The following RALGAPA2 variants were observed in gnomAD, a reference collection of about 807,000 sequenced individuals.
The protein encoded by RALGAPA2 is Ral GTPase activating protein catalytic subunit alpha 2.
RALGAPA2 carries 139 observed loss-of-function variants against 230.4 expected under a neutral mutation model. That is an observed-to-expected ratio of 0.60 (90% CI 0.53 to 0.69). The LOEUF (loss-of-function observed/expected upper bound fraction) is 0.69, where lower values mean the gene tolerates loss of function less well. Among genes scored for constraint, RALGAPA2 ranks in the 30% least tolerant of loss-of-function variants. RALGAPA2 has a pLI of 0.00. For synonymous variants in RALGAPA2, 847 were observed against 837.8 expected (o/e 1.01, Z -0.19); for missense variants, 2,163 against 2,276.0 (o/e 0.95, Z 1.01).
At chr20:20,459,455 G>A (rs1425257321) in intron 37 of RALGAPA2, among the ~76,000 whole-genome samples, 1 of 150,888 alleles carries the variant, frequency 6.6e-6, no homozygotes, top group Admixed American at 6.6e-5. Flanking sequence ...CTTTGGGTGG[G>A]GTATGTAATA....
Position 20,526,457 on chromosome 20 carries a change from G to A in RALGAPA2, c.3583-95C>T, listed in dbSNP as rs60723862. The A allele has an allele frequency of 6.2e-3, 4,853 of 785,262 alleles. 190 individuals are homozygous for A. In the African/African-American group the frequency reaches 0.077, roughly 13 times the overall value. 48.6% of individuals were successfully genotyped at this position (785,262 alleles called of 1,614,324 possible). A position where few individuals can be genotyped will look rare whatever the true frequency, so the allele number is the denominator to read the frequency against. ...AGTTATTTCTTCTCAGTTCCTTATAGATTACATTTATCTGTTTTGCCTCAA... is the reference window on the plus strand; with the variant it reads ...AGTTATTTCTTCTCAGTTCCTTATAAATTACATTTATCTGTTTTGCCTCAA... On this transcript the variant is annotated intron_variant, in intron 27 of 39. Coordinates refer to ENST00000202677, the MANE Select transcript of RALGAPA2 (RefSeq NM_020343.4).
At position 20,512,758 on chromosome 20, in the gene RALGAPA2, C is replaced by T. The variant is rs374685110; in HGVS notation, c.4611G>A (p.Pro1537=). The T allele has an allele frequency of 6.3e-5, 101 of 1,613,732 alleles. No homozygotes were observed. The highest frequency in any genetic ancestry group is 2.0e-4 in the Admixed American group (12 of 60,010). ...AAGGTTCATTTAGATTTAGCTGTGA[C>T]GGTAAAAGGCATTCAGGACTTGTAT... ...IGHTSPECLL[P]SQLNLNEPSL... The change falls in exon 32 of 40, where the codon CCG becomes CCA. Residue 1537 remains proline, a synonymous_variant. Transcript: ENST00000202677.
At chr20:20,542,130 G>GC (rs1419891400) in intron 24 of RALGAPA2, among the ~76,000 whole-genome samples, 1 of 152,116 alleles carries the variant, frequency 6.6e-6, no homozygotes, top group Admixed American at 6.5e-5. Flanking sequence ...CAAGCAGGGA[G>GC]CCAAATCGTG....
chr20:20,682,793 T>G (rs777719068), intron 1 of RALGAPA2, among the ~76,000 whole-genome samples: 5 of 152,164 alleles, frequency 3.3e-5, no homozygotes, highest in Non-Finnish European at 7.3e-5. Context: ...ACACATACAA[T>G]GATAAAATAA....
chr20:20,626,897 C>T (rs1189599706), intron 10 of RALGAPA2, among the ~76,000 whole-genome samples: 1 of 152,140 alleles, frequency 6.6e-6, no homozygotes, highest in Non-Finnish European at 1.5e-5. Context: ...TCCACGAGGC[C>T]TAAAATATTT....
In RALGAPA2 at chr20:20,677,629, A is replaced by ATTTTTTTT. The variant is rs758379115; in HGVS notation, c.218-1349_218-1342dup. Among the ~76,000 whole-genome samples the ATTTTTTTT allele has an allele frequency of 4.8e-4, 31 of 64,314 alleles. 1 individual carries two copies. Among genetic ancestry groups the ATTTTTTTT allele is most frequent in the East Asian group, 1.4e-3 (3 of 2,200 alleles). The allele number at this position is 64,314 out of a possible 152,430, so 42.2% of individuals were successfully genotyped here. On this transcript the variant is annotated intron_variant, in intron 2 of 39. Coordinates refer to ENST00000202677, the MANE Select transcript of RALGAPA2 (RefSeq NM_020343.4). ...GCAGCCAAGAATCATGATTTGACCCATTTTTTTTTTTTTTTTTTTTTTTTT... is the reference window on the plus strand; with the variant it reads ...GCAGCCAAGAATCATGATTTGACCCATTTTTTTTTTTTTTTTTTTTTTTTTTTTTTTTT...
intron 23 of RALGAPA2, among the ~76,000 whole-genome samples, chr20:20,563,928 C>T (rs973891576): frequency 7.2e-5 from 11 of 152,044 alleles, no homozygotes; most frequent in African/African-American, 2.7e-4. Context: ...CACACAAACC[C>T]CATCTGTGCC....
chr20:20,527,947 C>G (rs146960933), intron 27 of RALGAPA2, among the ~76,000 whole-genome samples: 2 of 152,164 alleles, frequency 1.3e-5, no homozygotes, highest in East Asian at 3.9e-4. Context: ...GGGAAAATTA[C>G]GAGAGCCCAC....
At position 20,591,190 on chromosome 20, in the gene RALGAPA2, T is replaced by C; in HGVS notation, c.2328A>G (p.Ser776=). 1 of 1,613,830 alleles carries C rather than the reference T, an allele frequency of 6.2e-7. No individual in the cohort carries two copies. The highest frequency in any genetic ancestry group is 8.5e-7 in the Non-Finnish European group (1 of 1,179,758). ...STSDIPEPLC[S]DSSQGQKAEN... is the part of the protein sequence containing the mutation. ...GACATCATGTACCCTGAGAAGAATC[T>C]GAGCACAGCGGCTCGGGGATGTCGG... The change falls in exon 17 of 40, where the codon TCA becomes TCG. Residue 776 remains serine, a synonymous_variant. Coordinates refer to ENST00000202677, the MANE Select transcript of RALGAPA2 (RefSeq NM_020343.4).
chr20:20,492,211 T>C (rs559688232), intron 36 of RALGAPA2, among the ~76,000 whole-genome samples: 93 of 152,124 alleles, frequency 6.1e-4, no homozygotes, highest in Non-Finnish European at 1.2e-3. Flanking sequence ...ATGAGGTTTT[T>C]TTTTCTCCCA....
intron 37 of RALGAPA2, among the ~76,000 whole-genome samples, chr20:20,436,015 T>A (rs921250042): frequency 6.6e-6 from 1 of 152,236 alleles, no homozygotes; most frequent in Non-Finnish European, 1.5e-5. Context: ...AGTTGAATCA[T>A]ACAAAATTGC....
Position 20,525,014 on chromosome 20 carries a change from C to G in RALGAPA2, c.3694-116G>C, listed in dbSNP as rs6075671. On this transcript the variant is annotated intron_variant, in intron 28 of 39. Coordinates refer to ENST00000202677, the MANE Select transcript of RALGAPA2 (RefSeq NM_020343.4). ...AACCCAGCTTGGTGCCAACTCACCA[C>G]AGAAAGGTGATAAAAAGCAGAGGGC... The G allele has an allele frequency of 0.056, 47,233 of 844,308 alleles. 2,050 individuals are homozygous for G. Among genetic ancestry groups the G allele is most frequent in the African/African-American group, 0.16 (8,966 of 57,280 alleles). The allele number at this position is 844,308 out of a possible 1,614,324, so 52.3% of individuals were successfully genotyped here.
Position 20,557,741 on chromosome 20 carries a change from A to G in RALGAPA2, c.3157-10909T>C, listed in dbSNP as rs144846483. 3.5e-3 allele frequency among the ~76,000 whole-genome samples: 531 copies of G among 152,348 alleles called. 4 individuals are homozygous for G. Among genetic ancestry groups the G allele is most frequent in the African/African-American group, 0.012 (498 of 41,584 alleles). On this transcript the variant is annotated intron_variant, in intron 23 of 39. Transcript: ENST00000202677. Reference sequence around the variant, plus strand: ...CACAACACTACTGAATTTGGGTAACAAAGGTATTTAACTTACTCCTTTGGA... The same window carrying G: ...CACAACACTACTGAATTTGGGTAACGAAGGTATTTAACTTACTCCTTTGGA...
chr20:20,507,250 G>A (rs1391268632), intron 33 of RALGAPA2, among the ~76,000 whole-genome samples: 1 of 152,116 alleles, frequency 6.6e-6, no homozygotes, highest in Non-Finnish European at 1.5e-5. Flanking sequence ...ATATGTCATG[G>A]CCCAAATCTT....
intron 20 of RALGAPA2, among the ~76,000 whole-genome samples, chr20:20,575,140 G>C (rs936829324): frequency 1.3e-5 from 2 of 152,148 alleles, no homozygotes; most frequent in African/African-American, 2.4e-5. Context: ...TGGAGCTTTT[G>C]TCTTCTCTAT....
chr20:20,710,327 G>A (rs549627204), intron 1 of RALGAPA2, among the ~76,000 whole-genome samples: 11 of 151,618 alleles, frequency 7.3e-5, no homozygotes, highest in African/African-American at 2.7e-4. Context: ...TGTTTTCTAA[G>A]TAGACTTTTT....
chr20:20,397,970 G>A (rs796202317), intron 38 of RALGAPA2, among the ~76,000 whole-genome samples: 27 of 152,280 alleles, frequency 1.8e-4, no homozygotes, highest in African/African-American at 6.0e-4. Flanking sequence ...GGGCACAAGA[G>A]GTTCTGGGCT....
chr20:20,413,211 C>G (rs137877228), intron 37 of RALGAPA2, among the ~76,000 whole-genome samples: 2 of 152,354 alleles, frequency 1.3e-5, no homozygotes, highest in East Asian at 3.8e-4. Context: ...GGAAAAGTAA[C>G]TCTAGCATTT....
intron 16 of RALGAPA2, among the ~76,000 whole-genome samples, chr20:20,596,458 G>C (rs375709348): frequency 2.2e-4 from 33 of 152,232 alleles, no homozygotes; most frequent in African/African-American, 7.0e-4. Flanking sequence ...TATGTTGGTG[G>C]GGTATGCCTA....
Sources: gnomAD v4.1 joint callset for allele counts (sites outside exome capture counted in the v4.1 genomes callset) on GRCh38, gnomAD v4.1.1 for gene constraint, MANE v1.5 for transcripts, NCBI Gene and HGNC (gene_info 2026-07-23, HGNC 2026-07-21) for gene names.